The following RNF145 variants were observed in gnomAD, a reference collection of about 807,000 sequenced individuals.
RNF145 encodes ring finger protein 145.
RNF145 carries 12 observed loss-of-function variants against 57.3 expected under a neutral mutation model. That is an observed-to-expected ratio of 0.21 (90% CI 0.13 to 0.34). RNF145 has a LOEUF of 0.34. RNF145 is among the 10% of genes least tolerant of loss of function. The probability of loss-of-function intolerance (pLI) is 1.00; values close to 1 mark genes in which losing one functional copy is unlikely to be tolerated. For missense variants in RNF145, 429 were observed against 799.0 expected (o/e 0.54, Z 5.58); for synonymous variants, 262 against 288.3 (o/e 0.91, Z 0.92).
chr5:159,209,637 C>T, upstream of RNF145: 1 of 1,048,630 alleles, frequency 9.5e-7, no homozygotes, highest in South Asian at 4.2e-5. Context: ...CGCCCGCGCT[C>T]ACTCACAATC....
rs1308543740 is a variant in RNF145, at chr5:159,169,747, A to C, written c.870T>G (p.Gly290=). 6.2e-7 allele frequency: 1 copy of C among 1,613,514 alleles called. No individual in the cohort carries two copies. Among genetic ancestry groups the C allele is most frequent in the East Asian group, 2.2e-5 (1 of 44,840 alleles). Residue 290 remains glycine (G), a synonymous_variant, in exon 7 of 11, where the codon GGT becomes GGG. Transcript: ENST00000424310. The part of the protein sequence containing the change: ...LVFTVSFVAL[G]VLTLCKFYLQ... The stretch of plus-strand genomic sequence containing the variant: ...AGTAAAACTTGCAGAGTGTGAGAAC[A>C]CCCAAGGCAACAAAAGAAACCGTGA...
Position 159,158,944 on chromosome 5 carries a change from A to T in RNF145, c.1718T>A (p.Leu573Gln), listed in dbSNP as rs776450350. Residue 573 changes from leucine to glutamine, a missense_variant, in exon 11 of 11, where the codon CTG (leucine) becomes CAG (glutamine). Physicochemically the swap from Leu to Gln is moderately radical, Grantham distance 113. Transcript: ENST00000424310. Reference protein sequence around the residue: ...KWLYVQETCPLCHCHLKNSSQ... With the variant: ...KWLYVQETCPQCHCHLKNSSQ... The stretch of plus-strand genomic sequence containing the variant: ...GGAGTTTTTCAGATGGCAGTGGCAC[A>T]GAGGGCAGGTCTCCTGGACATACAG... 1 of 1,613,968 alleles carries T rather than the reference A, an allele frequency of 6.2e-7. No homozygotes were observed. The highest frequency in any genetic ancestry group is 8.5e-7 in the Non-Finnish European group (1 of 1,179,860).
chr5:159,191,172 G>A (rs942564166), intron 3 of RNF145, among the ~76,000 whole-genome samples: 4 of 151,798 alleles, frequency 2.6e-5, no homozygotes, highest in East Asian at 1.9e-4. Context: ...TGGGCCACAC[G>A]CAGCCCAGGA....
chr5:159,163,926 A>T lies in RNF145; in HGVS notation c.1122-847T>A, dbSNP rs79806610. On this transcript the variant is annotated intron_variant, in intron 8 of 10. Transcript: ENST00000424310. ...CCTTTAGGCTAGTTCAAGCTAAACAACTTTGGCTTTCAATTGAAATAAAGC... is the reference window on the plus strand; with the variant it reads ...CCTTTAGGCTAGTTCAAGCTAAACATCTTTGGCTTTCAATTGAAATAAAGC... 4.9e-3 allele frequency among the ~76,000 whole-genome samples: 750 copies of T among 152,310 alleles called. 2 individuals carry two copies. The highest frequency in any genetic ancestry group is 0.017 in the African/African-American group (711 of 41,550).
At chr5:159,168,815 A>T in intron 8 of RNF145, 58 bp downstream of exon 8, 8 of 1,104,668 alleles carry the variant, frequency 7.2e-6, no homozygotes, top group Non-Finnish European at 9.9e-6. Context: ...TTTAGACAAC[A>T]AATGCATGTA....
In RNF145 at chr5:159,161,491, G is replaced by C. The variant is rs374061231; in HGVS notation, c.1401C>G (p.Leu467=). ...CTGAGACGCCATAGGCCACCACACA[G>C]AGGGCCACAAGAAACTCCAGCAGGC... The part of the protein sequence containing the change: ...TYRLLEFLVA[L]CVVAYGVSET... Residue 467 remains leucine, a synonymous_variant, in exon 10 of 11, where the codon CTC becomes CTG. Coordinates refer to ENST00000424310, the MANE Select transcript of RNF145 (RefSeq NM_001199383.2). 9.3e-6 allele frequency: 15 copies of C among 1,614,012 alleles called. No individual in the cohort carries two copies. In the African/African-American group the frequency reaches 1.6e-4, roughly 17 times the overall value.
At chr5:159,187,664 C>T (rs765927873) in intron 3 of RNF145, among the ~76,000 whole-genome samples, 105 of 152,226 alleles carry the variant, frequency 6.9e-4, no homozygotes, top group Admixed American at 5.9e-4. Context: ...AGTTTTGTTC[C>T]TCAGAGACAG....
intron 3 of RNF145, among the ~76,000 whole-genome samples, chr5:159,184,522 T>C (rs954019573): frequency 6.6e-6 from 1 of 152,228 alleles, no homozygotes; most frequent in South Asian, 2.1e-4. Flanking sequence ...TGATGATCAG[T>C]GCTGTAAGAA....
chr5:159,188,255 C>T (rs1785155577), intron 3 of RNF145, among the ~76,000 whole-genome samples: 1 of 151,956 alleles, frequency 6.6e-6, no homozygotes, highest in African/African-American at 2.4e-5. Flanking sequence ...GGCATGGTGG[C>T]AGGCGCCTGT....
chr5:159,191,303 T>C lies in RNF145; in HGVS notation c.293+3413A>G, dbSNP rs377627351. 2.0e-4 allele frequency among the ~76,000 whole-genome samples: 31 copies of C among 152,282 alleles called. 4 individuals are homozygous for C. Among genetic ancestry groups the C allele is most frequent in the Admixed American group, 7.8e-4 (12 of 15,304 alleles). ...AGTTAATTTTCCTTTCTACTAACCATGCTGCCTACCTAAGTGGAATGAACT... is the reference window on the plus strand; with the variant it reads ...AGTTAATTTTCCTTTCTACTAACCACGCTGCCTACCTAAGTGGAATGAACT... On this transcript the variant is annotated intron_variant, in intron 3 of 10. Transcript: ENST00000424310.
At chr5:159,202,648 C>CTA (rs1785710433) in intron 2 of RNF145, among the ~76,000 whole-genome samples, 1 of 152,150 alleles carries the variant, frequency 6.6e-6, no homozygotes. Context: ...ACAGGCAACT[C>CTA]TAATAATAAA....
chr5:159,180,643 AAAAG>A (rs1431618674), intron 4 of RNF145, among the ~76,000 whole-genome samples: 3 of 152,144 alleles, frequency 2.0e-5, no homozygotes, highest in Admixed American at 6.6e-5. Context: ...TCAAAAAGTA[AAAAG>A]AAACAAGTGA....
chr5:159,176,315 G>A (rs567994774), intron 5 of RNF145, among the ~76,000 whole-genome samples: 1 of 152,194 alleles, frequency 6.6e-6, no homozygotes, highest in East Asian at 1.9e-4. Flanking sequence ...TATGAGGAAA[G>A]CACAGCTTTC....
At chr5:159,167,420 G>C (rs1007314254) in intron 8 of RNF145, among the ~76,000 whole-genome samples, 2 of 152,204 alleles carry the variant, frequency 1.3e-5, no homozygotes, top group African/African-American at 4.8e-5. Context: ...GAGAAAGCCA[G>C]TAGTGAGGAT....
chr5:159,207,530 A>C, intron 1 of RNF145: 1 of 1,564,886 alleles, frequency 6.4e-7, no homozygotes, highest in East Asian at 2.3e-5. Flanking sequence ...ACCATCAACT[A>C]AAACTGATCT....
intron 8 of RNF145, among the ~76,000 whole-genome samples, chr5:159,164,238 T>C (rs76067976): frequency 0.061 from 9,275 of 150,910 alleles, 368 homozygotes; most frequent in Non-Finnish European, 0.09. Flanking sequence ...CAAAAACTAA[T>C]AATAATAATA....
rs2113139347 is a variant in RNF145 at position 159,176,886 on chromosome 5, T to C, written c.386-19A>G. On this transcript the variant is annotated intron_variant, in intron 4 of 10. Coordinates refer to ENST00000424310, the MANE Select transcript of RNF145 (RefSeq NM_001199383.2). The stretch of plus-strand genomic sequence containing the variant: ...AACTGACCTAAAATAGGGAATAGAA[T>C]ACATTTAATTTTGAGTATTTGGCAT... 6.9e-7 allele frequency: 1 copy of C among 1,453,462 alleles called. No homozygotes were observed. Among genetic ancestry groups the C allele is most frequent in the Non-Finnish European group, 9.5e-7 (1 of 1,049,564 alleles). The allele number at this position is 1,453,462 out of a possible 1,614,324, so 90.0% of individuals were successfully genotyped here.
In RNF145 at chr5:159,186,227, AAAAG is replaced by A. The variant is rs796249870; in HGVS notation, c.294-4180_294-4177del. On this transcript the variant is annotated intron_variant, in intron 3 of 10. Transcript: ENST00000424310. The stretch of plus-strand genomic sequence containing the variant: ...GGGTCAGAGTGAGACCCTGTCTCAA[AAAAG>A]AAAGAAAGAAAGAAAAAGAAAAGGG... Among the ~76,000 whole-genome samples the A allele has an allele frequency of 5.3e-5, 8 of 152,236 alleles. No individual in the cohort carries two copies. The South Asian group carries it at 1.2e-3, about 24-fold the overall frequency.
intron 6 of RNF145, among the ~76,000 whole-genome samples, chr5:159,173,727 T>C (rs1175798870): frequency 6.6e-6 from 1 of 152,200 alleles, no homozygotes; most frequent in African/African-American, 2.4e-5. Flanking sequence ...AAAAATACTT[T>C]TACGATTTGC....
Sources: gnomAD v4.1 joint callset for allele counts (sites outside exome capture counted in the v4.1 genomes callset) on GRCh38, gnomAD v4.1.1 for gene constraint, MANE v1.5 for transcripts, NCBI Gene and HGNC (gene_info 2026-07-23, HGNC 2026-07-21) for gene names.